Variants in CDH18 observed in about 807,000 individuals in gnomAD.
CDH18 encodes cadherin 18, also known as cadherin-18.
Under a neutral mutation model 67.9 loss-of-function variants are expected in CDH18, and 31 were observed. That is an observed-to-expected ratio of 0.46 (90% confidence interval 0.34 to 0.62). The LOEUF (loss-of-function observed/expected upper bound fraction) is 0.62. Among genes scored for constraint, CDH18 ranks in the 20% least tolerant of loss-of-function variants. CDH18 has a pLI of 0.01. For missense variants in CDH18, 890 were observed against 975.5 expected (o/e 0.91, Z 1.17); for synonymous variants, 362 against 347.2 (o/e 1.04, Z -0.48).
At chr5:19,924,399 G>A (rs1792866050) in intron 2 of CDH18, among the ~76,000 whole-genome samples, 1 of 152,134 alleles carries the variant, frequency 6.6e-6, no homozygotes, top group Non-Finnish European at 1.5e-5. Context: ...CACTTTGGGA[G>A]GCTGAGGAGG....
chr5:20,218,457 A>G (rs568781866), intron 2 of CDH18, among the ~76,000 whole-genome samples: 72 of 152,164 alleles, frequency 4.7e-4, no homozygotes, highest in African/African-American at 1.6e-3. Context: ...ATTTAAAAGT[A>G]TATTGAAACA....
At chr5:20,371,036 C>CAAAAAAA (rs879271018) in intron 1 of CDH18, among the ~76,000 whole-genome samples, 1 of 129,206 alleles carries the variant, frequency 7.7e-6, no homozygotes, top group East Asian at 2.3e-4. Context: ...GACTCTGTCT[C>CAAAAAAA]AAAAAAAAAA....
At chr5:19,495,495 C>T (rs921615650) in intron 11 of CDH18, among the ~76,000 whole-genome samples, 2 of 151,884 alleles carry the variant, frequency 1.3e-5, no homozygotes, top group African/African-American at 4.8e-5. Flanking sequence ...AATCCCAGCA[C>T]TTTGGGAGGC....
At chr5:19,787,538 T>C (rs920406180) in intron 3 of CDH18, among the ~76,000 whole-genome samples, 1 of 152,144 alleles carries the variant, frequency 6.6e-6, no homozygotes. Flanking sequence ...TGAAACTATA[T>C]GCATGTGTTT....
intron 2 of CDH18, among the ~76,000 whole-genome samples, chr5:19,896,194 T>A (rs1789318826): frequency 6.6e-6 from 1 of 151,908 alleles, no homozygotes; most frequent in East Asian, 1.9e-4. Context: ...CCTTCTCTAC[T>A]AAAAGTACAA....
intron 3 of CDH18, among the ~76,000 whole-genome samples, chr5:19,834,383 A>C (rs1363784268): frequency 6.6e-6 from 1 of 151,694 alleles, no homozygotes; most frequent in Non-Finnish European, 1.5e-5. Flanking sequence ...CTCCTTTATC[A>C]TTTTTTATTA....
chr5:20,461,777 C>T (rs1751282037), intron 1 of CDH18, among the ~76,000 whole-genome samples: 1 of 152,132 alleles, frequency 6.6e-6, no homozygotes, highest in African/African-American at 2.4e-5. Context: ...ATTTCAATCC[C>T]TGCTTTTGGA....
intron 1 of CDH18, among the ~76,000 whole-genome samples, chr5:20,355,164 C>T (rs978632320): frequency 6.6e-6 from 1 of 152,158 alleles, no homozygotes; most frequent in Non-Finnish European, 1.5e-5. Context: ...CCAACAAATG[C>T]CCTGCATATC....
chr5:20,501,195 T>A (rs190746032), intron 1 of CDH18, among the ~76,000 whole-genome samples: 5 of 152,014 alleles, frequency 3.3e-5, no homozygotes, highest in South Asian at 2.1e-4. Flanking sequence ...TTTCAAGATC[T>A]TCCCTAGCTT....
intron 2 of CDH18, among the ~76,000 whole-genome samples, chr5:20,086,620 A>T (rs748627134): frequency 1.3e-5 from 2 of 152,180 alleles, no homozygotes; most frequent in Admixed American, 1.3e-4. Context: ...ACTCCAAAAA[A>T]ATCCCAGGAT....
At chr5:20,381,374 T>C (rs1180977802) in intron 1 of CDH18, among the ~76,000 whole-genome samples, 3 of 151,982 alleles carry the variant, frequency 2.0e-5, no homozygotes, top group African/African-American at 4.8e-5. Context: ...TGTGTCCTTG[T>C]TGGGAATGCA....
chr5:20,415,533 G>A (rs1467480272), intron 1 of CDH18, among the ~76,000 whole-genome samples: 2 of 151,968 alleles, frequency 1.3e-5, no homozygotes, highest in Admixed American at 6.6e-5. Context: ...CAGAACTTTG[G>A]GAAGCCGAGG....
At chr5:20,484,838 T>C (rs1753061053) in intron 1 of CDH18, among the ~76,000 whole-genome samples, 1 of 151,926 alleles carries the variant, frequency 6.6e-6, no homozygotes, top group Non-Finnish European at 1.5e-5. Flanking sequence ...TTCAAAAATA[T>C]AGCTAGATAG....
chr5:19,917,244 T>A (rs929363986), intron 2 of CDH18, among the ~76,000 whole-genome samples: 2 of 152,166 alleles, frequency 1.3e-5, no homozygotes, highest in East Asian at 3.9e-4. Flanking sequence ...ACAGAACCCA[T>A]TTTTCCATGT....
intron 2 of CDH18, among the ~76,000 whole-genome samples, chr5:20,186,551 A>G (rs1191939710): frequency 6.6e-6 from 1 of 152,000 alleles, no homozygotes; most frequent in Non-Finnish European, 1.5e-5. Context: ...AAACACATGG[A>G]AAGTTCTTCA....
At chr5:20,427,967 G>A (rs1348866346) in intron 1 of CDH18, among the ~76,000 whole-genome samples, 8 of 150,924 alleles carry the variant, frequency 5.3e-5, no homozygotes, top group African/African-American at 1.7e-4. Flanking sequence ...TAGGATACAT[G>A]TGCAGAACGT....
chr5:19,995,904 C>A (rs758555024), intron 2 of CDH18, among the ~76,000 whole-genome samples: 5 of 151,982 alleles, frequency 3.3e-5, no homozygotes, highest in Non-Finnish European at 5.9e-5. Flanking sequence ...CATTTTGGCG[C>A]TATGTAATGA....
chr5:20,300,332 G>A (rs1747876657), intron 1 of CDH18, among the ~76,000 whole-genome samples: 1 of 142,338 alleles, frequency 7.0e-6, no homozygotes, highest in African/African-American at 2.5e-5. Context: ...GTGTGTGTGT[G>A]TATTTTCCTG....
In CDH18 at chr5:19,811,136, AAGAAAGAAAGAAAGAAAGAAAGAAGGAG is replaced by A. The variant is rs1263942556; in HGVS notation, c.228+27595_228+27622del. On this transcript the variant is annotated intron_variant, in intron 3 of 12. Coordinates refer to ENST00000382275, the MANE Select transcript of CDH18 (RefSeq NM_004934.5). Reference sequence around the variant, plus strand: ...AAAGAAAGAAAGAAAGAAAGAAAGAAAGAAAGAAAGAAAGAAAGAAAGAAGGAGAGAAAGAAAGAGAAGAAAGAGGGAG... The same window carrying A: ...AAAGAAAGAAAGAAAGAAAGAAAGAAAGAAAGAAAGAGAAGAAAGAGGGAG... Among the ~76,000 whole-genome samples the A allele has an allele frequency of 5.4e-5, 7 of 128,574 alleles. 1 individual carries two copies. The East Asian group carries it at 6.4e-4, about 12-fold the overall frequency. The allele number at this position is 128,574 out of a possible 152,430, so 84.3% of individuals were successfully genotyped here.
Sources: allele counts gnomAD v4.1 joint callset (sites outside exome capture counted in the v4.1 genomes callset), GRCh38; gene constraint gnomAD v4.1.1; transcripts MANE v1.5; gene names NCBI Gene and HGNC (gene_info 2026-07-23, HGNC 2026-07-21).